The following CDC14A variants were observed in gnomAD, a reference collection of about 807,000 sequenced individuals.
The protein encoded by CDC14A is dual specificity protein phosphatase CDC14A.
In CDC14A, 53 loss-of-function variants were observed where a neutral mutation model predicts 74.4. The observed-to-expected ratio is 0.71, with a 90% CI of 0.57 to 0.89. The LOEUF (loss-of-function observed/expected upper bound fraction) is 0.89. Among genes scored for constraint, CDC14A ranks in the 40% least tolerant of loss-of-function variants. The probability of loss-of-function intolerance (pLI) is 0.00; values close to 1 mark genes in which losing one functional copy is unlikely to be tolerated. For synonymous variants in CDC14A, 247 were observed against 258.4 expected (o/e 0.96, Z 0.43); for missense variants, 646 against 713.7 (o/e 0.91, Z 1.08).
At chr1:100,452,368 C>T (rs761725214) in intron 7 of CDC14A, among the ~76,000 whole-genome samples, 2 of 151,974 alleles carry the variant, frequency 1.3e-5, no homozygotes, top group African/African-American at 2.4e-5. Flanking sequence ...AAAAATTAGT[C>T]GGGCCTGGTG....
intron 11 of CDC14A, among the ~76,000 whole-genome samples, chr1:100,493,218 C>T (rs1236332813): frequency 6.6e-6 from 1 of 152,164 alleles, no homozygotes; most frequent in African/African-American, 2.4e-5. Context: ...CAAAAGCACC[C>T]AGTTGACAAT....
chr1:100,442,155 TG>T (rs201947789), intron 6 of CDC14A, among the ~76,000 whole-genome samples: 33 of 149,464 alleles, frequency 2.2e-4, no homozygotes, highest in Admixed American at 1.7e-3. Flanking sequence ...GATAAAAATA[TG>T]TTTTTTTTTT....
chr1:100,366,940 G>T (rs1235042369), intron 2 of CDC14A, among the ~76,000 whole-genome samples: 1 of 152,118 alleles, frequency 6.6e-6, no homozygotes, highest in Non-Finnish European at 1.5e-5. Context: ...ATGAACGCAC[G>T]GGTACTCTGA....
chr1:100,397,204 G>A (rs1040597151), intron 4 of CDC14A, among the ~76,000 whole-genome samples: 3 of 152,082 alleles, frequency 2.0e-5, no homozygotes, highest in African/African-American at 7.2e-5. Flanking sequence ...AATGATGTGG[G>A]CACTGGAGAC....
chr1:100,404,327 G>A (rs759463594), intron 4 of CDC14A, among the ~76,000 whole-genome samples: 33 of 152,146 alleles, frequency 2.2e-4, no homozygotes, highest in Middle Eastern at 3.4e-3. Context: ...AGGTTCCCAC[G>A]TCACCAACAC....
chr1:100,467,258 T>C (rs759059911), intron 9 of CDC14A, among the ~76,000 whole-genome samples: 5 of 152,174 alleles, frequency 3.3e-5, no homozygotes, highest in Non-Finnish European at 7.4e-5. Context: ...TGCTGTGTGC[T>C]CCCAATTACT....
rs2101470660 is a variant in CDC14A, at chr1:100,508,568, T to C, written c.1755+9306T>C. Among the ~76,000 whole-genome samples, 1 of 152,274 alleles carries C rather than the reference T, an allele frequency of 6.6e-6. No individual in the cohort carries two copies. The highest frequency in any genetic ancestry group is 1.9e-4 in the East Asian group (1 of 5,184). ...TTGGCTCTGCCCGATCATCTAGGCCTTTCAGTCTAGAAACAGACCTTAATG... is the reference window on the plus strand; with the variant it reads ...TTGGCTCTGCCCGATCATCTAGGCCCTTCAGTCTAGAAACAGACCTTAATG... On this transcript the variant is annotated intron_variant, in intron 15 of 15. Coordinates refer to ENST00000336454, the MANE Select transcript of CDC14A (RefSeq NM_003672.4). This position sits in a 1 kb window ranked among gnomAD's most constrained non-coding sequence, Gnocchi z 4.4.
intron 4 of CDC14A, among the ~76,000 whole-genome samples, chr1:100,412,539 G>C (rs1660849927): frequency 6.7e-6 from 1 of 148,852 alleles, no homozygotes; most frequent in South Asian, 2.1e-4. Flanking sequence ...TGCCATTCAA[G>C]TCTTGTTGCT....
intron 2 of CDC14A, among the ~76,000 whole-genome samples, chr1:100,368,800 T>A (rs1263640743): frequency 2.0e-5 from 3 of 152,112 alleles, no homozygotes; most frequent in Admixed American, 1.3e-4. Flanking sequence ...TGTCCGTGAG[T>A]AGTCAATTGT....
In CDC14A at chr1:100,468,156, C is replaced by A. The variant is rs17122602; in HGVS notation, c.977+62C>A. The A allele has an allele frequency of 0.011, 16,870 of 1,585,358 alleles. 1,466 individuals are homozygous for A. The African/African-American group carries it at 0.2, about 18-fold the overall frequency. Reference sequence around the variant, plus strand: ...TTCTTGATCCTTTCTACCTCTTGTTCCCCTGGTTGTGGACCATGTCAGCCT... The same window carrying A: ...TTCTTGATCCTTTCTACCTCTTGTTACCCTGGTTGTGGACCATGTCAGCCT... On this transcript the variant is annotated intron_variant, in intron 10 of 15. Transcript: ENST00000336454.
intron 5 of CDC14A, among the ~76,000 whole-genome samples, chr1:100,435,133 A>G (rs1467655247): frequency 6.6e-6 from 1 of 152,160 alleles, no homozygotes; most frequent in East Asian, 1.9e-4. Flanking sequence ...GAGAGAGAGT[A>G]TGGAGTGAGA....
intron 4 of CDC14A, among the ~76,000 whole-genome samples, chr1:100,419,708 A>G (rs1662019331): frequency 6.6e-6 from 1 of 152,174 alleles, no homozygotes. Flanking sequence ...ACTATTTTAA[A>G]GTTGTAACAT....
chr1:100,430,831 ATTTTATCCTCTT>A (rs1466547431), intron 5 of CDC14A, among the ~76,000 whole-genome samples: 1 of 152,162 alleles, frequency 6.6e-6, no homozygotes, highest in African/African-American at 2.4e-5. Context: ...TGGAAACAAT[ATTTTATCCTCTT>A]TTAAGATGTT....
intron 7 of CDC14A, among the ~76,000 whole-genome samples, chr1:100,453,922 G>A (rs6669339): frequency 0.012 from 1,891 of 152,256 alleles, 40 homozygotes; most frequent in African/African-American, 0.043. Flanking sequence ...GATTACAGGC[G>A]CGAGCCGCCA....
chr1:100,484,709 A>C (rs1262059886), intron 11 of CDC14A: 1 of 1,071,998 alleles, frequency 9.3e-7, no homozygotes, highest in Non-Finnish European at 1.1e-6. Context: ...GAAAGGAAAC[A>C]GAAAAGCAAA....
chr1:100,377,649 T>C, intron 3 of CDC14A, 28 bp downstream of exon 3: 1 of 1,542,296 alleles, frequency 6.5e-7, no homozygotes, highest in Non-Finnish European at 8.9e-7. Context: ...ATTTATAATT[T>C]GGAATTAAAA....
chr1:100,364,518 C>A (rs775575032), intron 2 of CDC14A, among the ~76,000 whole-genome samples: 11 of 152,100 alleles, frequency 7.2e-5, no homozygotes, highest in Non-Finnish European at 1.2e-4. Flanking sequence ...GCCCTGTGAT[C>A]CTCACCACAA....
intron 4 of CDC14A, among the ~76,000 whole-genome samples, chr1:100,394,715 C>A (rs1556205): frequency 6.6e-6 from 1 of 152,218 alleles, no homozygotes; most frequent in East Asian, 1.9e-4. Flanking sequence ...CTGGTCATGT[C>A]CCAATTGATT....
intron 15 of CDC14A, among the ~76,000 whole-genome samples, chr1:100,511,749 A>T (rs559741117): frequency 6.6e-6 from 1 of 152,230 alleles, no homozygotes; most frequent in East Asian, 1.9e-4. Context: ...TTCCATTCTT[A>T]CCACTGCTGC....
Sources: gnomAD v4.1 joint callset for allele counts (sites outside exome capture counted in the v4.1 genomes callset) on GRCh38, gnomAD v4.1.1 for gene constraint, Gnocchi (gnomAD v3.1) non-coding constraint, MANE v1.5 for transcripts, NCBI Gene and HGNC (gene_info 2026-07-23, HGNC 2026-07-21) for gene names.